The following ASTN2 variants were observed in gnomAD, a reference collection of about 807,000 sequenced individuals.
The protein encoded by ASTN2 is astrotactin 2.
In ASTN2, 54 loss-of-function variants were observed where a neutral mutation model predicts 139.8. That is an observed-to-expected ratio of 0.39 (90% confidence interval 0.31 to 0.48). The LOEUF is 0.48. ASTN2 is among the 20% of genes least tolerant of loss of function. ASTN2 has a pLI of 0.95. For synonymous variants in ASTN2, 756 were observed against 719.5 expected (o/e 1.05, Z -0.81); for missense variants, 1,565 against 1,725.1 (o/e 0.91, Z 1.64).
intron 19 of ASTN2, among the ~76,000 whole-genome samples, chr9:116,561,052 G>C (rs1009605104): frequency 2.0e-5 from 3 of 152,156 alleles, no homozygotes; most frequent in Admixed American, 1.3e-4. Context: ...GAGAGAGGGT[G>C]TAGGGAAAAT....
intron 3 of ASTN2, among the ~76,000 whole-genome samples, chr9:117,196,373 A>C (rs1831502424): frequency 6.6e-6 from 1 of 152,190 alleles, no homozygotes; most frequent in African/African-American, 2.4e-5. Context: ...TCTTCTACTC[A>C]GGATTAATTA....
chr9:117,233,470 T>C (rs1187575834), intron 2 of ASTN2, among the ~76,000 whole-genome samples: 1 of 152,154 alleles, frequency 6.6e-6, no homozygotes, highest in African/African-American at 2.4e-5. Flanking sequence ...GAAAAAGCTT[T>C]GCAAATTACT....
intron 1 of ASTN2, among the ~76,000 whole-genome samples, chr9:117,338,194 A>G (rs949373436): frequency 6.6e-6 from 1 of 152,126 alleles, no homozygotes; most frequent in Non-Finnish European, 1.5e-5. Flanking sequence ...GCAGCATCTG[A>G]CTATTTGTTA....
intron 19 of ASTN2, among the ~76,000 whole-genome samples, chr9:116,525,462 G>C (rs1321769875): frequency 6.6e-6 from 1 of 152,104 alleles, no homozygotes; most frequent in African/African-American, 2.4e-5. Flanking sequence ...TTCCTCATCG[G>C]CCCTCCCCTC....
chr9:116,462,810 G>A (rs1181251751), intron 20 of ASTN2, among the ~76,000 whole-genome samples: 1 of 151,540 alleles, frequency 6.6e-6, no homozygotes, highest in Non-Finnish European at 1.5e-5. Flanking sequence ...GTGTGTGTGT[G>A]TGTGTGTGTG....
At chr9:117,006,989 T>C (rs920053194) in intron 7 of ASTN2, among the ~76,000 whole-genome samples, 2 of 152,096 alleles carry the variant, frequency 1.3e-5, no homozygotes, top group Admixed American at 6.5e-5. Context: ...TGGTGATGCG[T>C]GCCTGTAATC....
chr9:116,658,095 TTTTG>T (rs1246013655), intron 16 of ASTN2, among the ~76,000 whole-genome samples: 2 of 146,528 alleles, frequency 1.4e-5, no homozygotes, highest in East Asian at 3.9e-4. Flanking sequence ...TTGTTTTTTG[TTTTG>T]TTTTTGTTTT....
chr9:116,585,572 A>C (rs1458224311), intron 19 of ASTN2: 1 of 152,052 alleles, frequency 6.6e-6, no homozygotes, highest in Non-Finnish European at 1.5e-5. Flanking sequence ...TGAAGAAAGG[A>C]CTCCTTATTC....
intron 2 of ASTN2, among the ~76,000 whole-genome samples, chr9:117,218,421 G>A (rs1832404288): frequency 6.6e-6 from 1 of 152,156 alleles, no homozygotes; most frequent in African/African-American, 2.4e-5. Context: ...TTTATTGCAA[G>A]AACTTGGTCA....
At chr9:117,396,941 CTTTTT>C (rs58488186) in intron 1 of ASTN2, among the ~76,000 whole-genome samples, 2 of 111,152 alleles carry the variant, frequency 1.8e-5, no homozygotes, top group Non-Finnish European at 3.7e-5. Context: ...TCCACTCAAG[CTTTTT>C]TTTTTTTTTT....
intron 11 of ASTN2, among the ~76,000 whole-genome samples, chr9:116,824,383 G>A (rs1332054309): frequency 1.8e-5 from 1 of 56,490 alleles, no homozygotes; most frequent in African/African-American, 5.6e-5. Context: ...CCCTCTGTCT[G>A]TCTCTCTCTC....
chr9:116,627,631 G>A (rs1856530632), intron 17 of ASTN2, among the ~76,000 whole-genome samples: 1 of 152,100 alleles, frequency 6.6e-6, no homozygotes, highest in Non-Finnish European at 1.5e-5. Context: ...TATAGATTAG[G>A]AAACTGAGGT....
intron 20 of ASTN2, among the ~76,000 whole-genome samples, chr9:116,465,661 T>G (rs1032730051): frequency 1.3e-5 from 2 of 152,220 alleles, no homozygotes; most frequent in Non-Finnish European, 2.9e-5. Context: ...TGGAAGCAGC[T>G]GCAGTTTCCA....
At chr9:116,877,287 G>T (rs962996063) in intron 10 of ASTN2, among the ~76,000 whole-genome samples, 3 of 150,100 alleles carry the variant, frequency 2.0e-5, no homozygotes, top group Non-Finnish European at 3.0e-5. Context: ...AATGTGCCTT[G>T]CTGAGAAATT....
At chr9:116,628,167 T>C (rs919241911) in intron 17 of ASTN2, among the ~76,000 whole-genome samples, 1 of 152,230 alleles carries the variant, frequency 6.6e-6, no homozygotes, top group Non-Finnish European at 1.5e-5. Flanking sequence ...AAATATCATA[T>C]GAAATTGCAA....
intron 4 of ASTN2, among the ~76,000 whole-genome samples, chr9:117,109,925 C>T (rs1372703808): frequency 6.6e-6 from 1 of 152,108 alleles, no homozygotes; most frequent in East Asian, 1.9e-4. Context: ...TCCCTCTATG[C>T]TTCCCAATTT....
intron 16 of ASTN2, among the ~76,000 whole-genome samples, chr9:116,663,984 C>T (rs1002067132): frequency 9.2e-5 from 14 of 152,110 alleles, no homozygotes; most frequent in Non-Finnish European, 1.9e-4. Flanking sequence ...GATTCAAGTT[C>T]AGGCAGTTAT....
intron 3 of ASTN2, among the ~76,000 whole-genome samples, chr9:117,169,571 C>T (rs372533198): frequency 3.4e-4 from 52 of 152,088 alleles, no homozygotes; most frequent in Non-Finnish European, 7.4e-5. Context: ...TCTGTTCCCC[C>T]AAACAATGAC....
intron 13 of ASTN2, among the ~76,000 whole-genome samples, chr9:116,804,823 G>T (rs1301952388): frequency 6.6e-6 from 1 of 151,948 alleles, no homozygotes; most frequent in Non-Finnish European, 1.5e-5. Context: ...ATGGTTAAAA[G>T]TATAATGTGT....
Sources: gnomAD v4.1 joint callset for allele counts (sites outside exome capture counted in the v4.1 genomes callset) on GRCh38, gnomAD v4.1.1 for gene constraint, MANE v1.5 for transcripts, NCBI Gene and HGNC (gene_info 2026-07-23, HGNC 2026-07-21) for gene names.